Variants in BPIFA2 observed in about 807,000 individuals in gnomAD.
The protein encoded by BPIFA2 is BPI fold containing family A member 2.
A neutral mutation model predicts 25.7 loss-of-function variants in BPIFA2; 20 were observed. That is an observed-to-expected ratio of 0.78 (90% confidence interval 0.55 to 1.13). BPIFA2 has a LOEUF of 1.13. Ranked by LOEUF, BPIFA2 falls within the 50% of genes most tolerant of loss-of-function variation. The pLI is 0.00. For synonymous variants in BPIFA2, 126 were observed against 124.3 expected (o/e 1.01, Z -0.09); for missense variants, 300 against 298.1 (o/e 1.01, Z -0.05).
At chr20:33,179,447 T>A (rs75711917) in intron 6 of BPIFA2, among the ~76,000 whole-genome samples, 157 bp from the exon 7 acceptor site, 11 of 140,664 alleles carry the variant, frequency 7.8e-5, no homozygotes, top group African/African-American at 1.1e-4. Context: ...AAAAAAAAAA[T>A]ACAATAAAAC....
chr20:33,174,242 A>T, intron 4 of BPIFA2, 56 bp downstream of exon 4: 1 of 1,523,142 alleles, frequency 6.6e-7, no homozygotes, highest in Non-Finnish European at 9.1e-7. Context: ...TGGCCGATGG[A>T]TGCCCAACCT....
chr20:33,180,235 A>G (rs1017726228), intron 7 of BPIFA2, among the ~76,000 whole-genome samples: 39 of 152,130 alleles, frequency 2.6e-4, no homozygotes, highest in Admixed American at 5.2e-4. Flanking sequence ...AGAAAAAAAA[A>G]AAGAAGAAGA....
At chr20:33,170,359 T>A (rs1219942873) in intron 2 of BPIFA2, among the ~76,000 whole-genome samples, 1 of 152,172 alleles carries the variant, frequency 6.6e-6, no homozygotes, top group African/African-American at 2.4e-5. Context: ...CTTGAATTAT[T>A]TTCTTCTCAT....
At chr20:33,172,761 G>T (rs929560478) in intron 2 of BPIFA2, among the ~76,000 whole-genome samples, 171 bp from the exon 3 acceptor site, 1 of 152,092 alleles carries the variant, frequency 6.6e-6, no homozygotes, top group African/African-American at 2.4e-5. Flanking sequence ...TAACCATCTA[G>T]AGCCTTTATT....
At chr20:33,170,122 CTG>C (rs1191995706) in intron 2 of BPIFA2, among the ~76,000 whole-genome samples, 1 of 152,150 alleles carries the variant, frequency 6.6e-6, no homozygotes, top group Non-Finnish European at 1.5e-5. Context: ...GCTGAGAAAA[CTG>C]AGGCCCAGAG....
upstream of BPIFA2, among the ~76,000 whole-genome samples, chr20:33,164,552 CCT>C (rs968625452): frequency 2.0e-5 from 3 of 149,760 alleles, no homozygotes; most frequent in Non-Finnish European, 2.9e-5. Flanking sequence ...CTCCACATCC[CCT>C]CTCTCTCTTT....
intron 2 of BPIFA2, among the ~76,000 whole-genome samples, chr20:33,172,656 G>T (rs954833521): frequency 6.6e-6 from 1 of 152,108 alleles, no homozygotes; most frequent in African/African-American, 2.4e-5. Flanking sequence ...CTGGTTGATT[G>T]CACTGTTGAT....
chr20:33,180,396 A>G, intron 7 of BPIFA2, 124 bp from the exon 8 acceptor site: 1 of 1,011,616 alleles, frequency 9.9e-7, no homozygotes. Context: ...AGAGAGGTGG[A>G]GCAACATCCC....
intron 5 of BPIFA2, among the ~76,000 whole-genome samples, chr20:33,177,354 CA>C (rs57465925): frequency 0.17 from 20,431 of 120,664 alleles, 3,429 homozygotes; most frequent in African/African-American, 0.43. Flanking sequence ...GACATTGTCT[CA>C]AAAAAAAAAA....
intron 2 of BPIFA2, among the ~76,000 whole-genome samples, chr20:33,170,191 T>C (rs1336065774): frequency 2.0e-5 from 3 of 152,216 alleles, no homozygotes; most frequent in Non-Finnish European, 4.4e-5. Flanking sequence ...CGTAGTTATA[T>C]CACCAATTTT....
chr20:33,180,486 A>G, intron 7 of BPIFA2, 34 bp from the exon 8 acceptor site: 1 of 1,602,826 alleles, frequency 6.2e-7, no homozygotes, highest in Non-Finnish European at 8.5e-7. Context: ...CCAGTGGCAG[A>G]GACTAAGGCC....
At chr20:33,162,367 T>G (rs907032619) in intron 1 of BPIFA2, among the ~76,000 whole-genome samples, 2 of 152,062 alleles carry the variant, frequency 1.3e-5, no homozygotes, top group Non-Finnish European at 2.9e-5. Flanking sequence ...ATTTAATGCC[T>G]CCCCAGTCCC....
At chr20:33,166,287 G>T (rs972496657), upstream of BPIFA2, among the ~76,000 whole-genome samples, 1 of 152,192 alleles carries the variant, frequency 6.6e-6, no homozygotes, top group Non-Finnish European at 1.5e-5. Context: ...AAAGTGCTGG[G>T]ATTACAGGTG....
chr20:33,178,219 G>A lies in BPIFA2; in HGVS notation c.636G>A (p.Leu212=). 2.5e-6 allele frequency: 4 copies of A among 1,592,458 alleles called. No individual in the cohort carries two copies. Among genetic ancestry groups the A allele is most frequent in the African/African-American group, 1.3e-5 (1 of 74,446 alleles). The change falls in exon 6 of 9, where the codon CTG becomes CTA. Residue 212 remains leucine, a synonymous_variant. Coordinates refer to ENST00000354932, the MANE Select transcript of BPIFA2 (RefSeq NM_080574.4). The part of the protein sequence containing the change: ...NTLKSTVSSL[L]QKEICPLIRI... ...TGAAAAGCACTGTATCCTCCCTGCT[G>A]CAGAAGGAGGTGAGTCTCCCACTCC...
chr20:33,167,990 A>G (rs1261352059), upstream of BPIFA2, among the ~76,000 whole-genome samples: 1 of 152,200 alleles, frequency 6.6e-6, no homozygotes, highest in Non-Finnish European at 1.5e-5. Context: ...TTTCAATTCA[A>G]GCATCCTGGG....
In BPIFA2 at chr20:33,180,614, T is replaced by C; in HGVS notation, c.*37+17T>C. Reference sequence around the variant, plus strand: ...TGCATGCTGGTGAGGAGCCAGTCTCTGTGCCCCAATGCACAGGGGCCTATG... The same window carrying C: ...TGCATGCTGGTGAGGAGCCAGTCTCCGTGCCCCAATGCACAGGGGCCTATG... On this transcript the variant is annotated intron_variant, in intron 8 of 8. Transcript: ENST00000354932. 3.9e-6 allele frequency: 6 copies of C among 1,553,732 alleles called. No homozygotes were observed. Among genetic ancestry groups the C allele is most frequent in the South Asian group, 1.1e-5 (1 of 89,782 alleles).
At chr20:33,162,244 G>C (rs1027008931) in intron 1 of BPIFA2, among the ~76,000 whole-genome samples, 3 of 152,192 alleles carry the variant, frequency 2.0e-5, no homozygotes, top group Non-Finnish European at 4.4e-5. Context: ...GCCTCCCAAA[G>C]TGCTGGAATT....
intron 5 of BPIFA2, among the ~76,000 whole-genome samples, chr20:33,177,737 G>A (rs1360069306): frequency 1.3e-5 from 2 of 152,164 alleles, no homozygotes; most frequent in Non-Finnish European, 2.9e-5. Flanking sequence ...AGTTGAAGGT[G>A]GGAGGAGCCA....
intron 6 of BPIFA2, among the ~76,000 whole-genome samples, 173 bp from the exon 7 acceptor site, chr20:33,179,431 G>GAAA (rs397973111): frequency 6.1e-4 from 72 of 117,906 alleles, no homozygotes; most frequent in African/African-American, 1.9e-3. Flanking sequence ...TTCTGTCTCA[G>GAAA]AAAAAAAAAA....
Sources: allele counts gnomAD v4.1 joint callset (sites outside exome capture counted in the v4.1 genomes callset), GRCh38; gene constraint gnomAD v4.1.1; transcripts MANE v1.5; gene names NCBI Gene and HGNC (gene_info 2026-07-23, HGNC 2026-07-21).